Variants in CDH12 observed in about 807,000 individuals in gnomAD.
The protein encoded by CDH12 is cadherin 12, also known as cadherin-12.
Under a neutral mutation model 74.1 loss-of-function variants are expected in CDH12, and 41 were observed. The observed-to-expected ratio is 0.55, with a 90% CI of 0.43 to 0.72. The LOEUF (loss-of-function observed/expected upper bound fraction) is 0.72. CDH12 is among the 30% of genes least tolerant of loss of function. CDH12 has a pLI of 0.00. For missense variants in CDH12, 945 were observed against 977.2 expected (o/e 0.97, Z 0.44); for synonymous variants, 399 against 355.0 (o/e 1.12, Z -1.39).
At chr5:22,788,545 A>T (rs1469650672) in intron 1 of CDH12, among the ~76,000 whole-genome samples, 1 of 148,578 alleles carries the variant, frequency 6.7e-6, no homozygotes, top group East Asian at 1.9e-4. Context: ...ATATATAAAT[A>T]TATGTGGCAT....
intron 1 of CDH12, among the ~76,000 whole-genome samples, chr5:22,800,434 G>T (rs1246681563): frequency 6.6e-6 from 1 of 152,040 alleles, no homozygotes; most frequent in African/African-American, 2.4e-5. Context: ...AAATTGAGAA[G>T]AACAGAGAGT....
intron 1 of CDH12, among the ~76,000 whole-genome samples, chr5:22,577,991 C>G (rs1392760522): frequency 6.6e-6 from 1 of 152,096 alleles, no homozygotes; most frequent in Non-Finnish European, 1.5e-5. Flanking sequence ...AGACATAATT[C>G]TAAAAACATT....
chr5:21,964,106 G>C (rs888383657), intron 6 of CDH12, among the ~76,000 whole-genome samples: 11 of 151,972 alleles, frequency 7.2e-5, no homozygotes, highest in African/African-American at 2.7e-4. Flanking sequence ...AAAATGGCTA[G>C]CACTTATTTA....
chr5:22,021,803 G>T (rs1459487368), intron 5 of CDH12, among the ~76,000 whole-genome samples: 4 of 152,158 alleles, frequency 2.6e-5, no homozygotes, highest in African/African-American at 9.7e-5. Flanking sequence ...TGTTATTAGA[G>T]CAAGGAGTTA....
intron 1 of CDH12, among the ~76,000 whole-genome samples, chr5:22,623,762 A>G (rs913091982): frequency 3.3e-5 from 5 of 152,090 alleles, no homozygotes; most frequent in Non-Finnish European, 7.4e-5. Context: ...TAGATTCAAT[A>G]CCATACCCAT....
intron 6 of CDH12, chr5:21,883,249 A>G: frequency 1.5e-6 from 2 of 1,352,970 alleles, no homozygotes; most frequent in East Asian, 4.6e-5. Context: ...ATGAAGTTTG[A>G]TTGAGGGTAT....
intron 6 of CDH12, among the ~76,000 whole-genome samples, chr5:21,901,460 A>G (rs2150054181): frequency 6.6e-6 from 1 of 152,272 alleles, no homozygotes; most frequent in African/African-American, 2.4e-5. Flanking sequence ...TCTTTTTTCA[A>G]AAACTTGTTG....
intron 1 of CDH12, among the ~76,000 whole-genome samples, chr5:22,773,167 T>C (rs967391798): frequency 6.6e-6 from 1 of 152,014 alleles, no homozygotes. Context: ...AAAATTCCTA[T>C]AGAATCAAAA....
In CDH12 at chr5:22,460,490, A is replaced by G. The variant is rs113887620; in HGVS notation, c.-428+44780T>C. ...GTGTAATATTATTTTCAGTCTTGTTAATCCAAACTTTGGAGGTGTGGCTCA... is the reference window on the plus strand; with the variant it reads ...GTGTAATATTATTTTCAGTCTTGTTGATCCAAACTTTGGAGGTGTGGCTCA... On this transcript the variant is annotated intron_variant, in intron 2 of 14. Coordinates refer to ENST00000382254, the MANE Select transcript of CDH12 (RefSeq NM_004061.5). Among the ~76,000 whole-genome samples, 606 of 152,272 alleles carry G rather than the reference A, an allele frequency of 4.0e-3. 7 individuals carry two copies. The highest frequency in any genetic ancestry group is 0.014 in the African/African-American group (577 of 41,554).
At chr5:22,850,317 G>A (rs1002683867) in intron 1 of CDH12, among the ~76,000 whole-genome samples, 2 of 151,960 alleles carry the variant, frequency 1.3e-5, no homozygotes, top group African/African-American at 4.8e-5. Context: ...TCCTAGCATA[G>A]TAAGTCAGGA....
At chr5:22,343,584 A>T (rs554572235) in intron 3 of CDH12, among the ~76,000 whole-genome samples, 2 of 151,930 alleles carry the variant, frequency 1.3e-5, no homozygotes, top group Admixed American at 6.5e-5. Flanking sequence ...CGCCCAGCTA[A>T]TTTTTTTGTA....
intron 1 of CDH12, among the ~76,000 whole-genome samples, chr5:22,578,760 T>G (rs988601113): frequency 2.6e-5 from 4 of 152,012 alleles, no homozygotes; most frequent in Admixed American, 6.6e-5. Context: ...GTAACAGGGG[T>G]AAAAATATTG....
At chr5:22,028,559 G>A (rs183705757) in intron 5 of CDH12, among the ~76,000 whole-genome samples, 6 of 152,216 alleles carry the variant, frequency 3.9e-5, no homozygotes, top group South Asian at 2.1e-4. Flanking sequence ...TACAAGGGAC[G>A]TGAAGGACCT....
At chr5:21,894,688 G>T (rs1056230139) in intron 6 of CDH12, among the ~76,000 whole-genome samples, 13 of 151,586 alleles carry the variant, frequency 8.6e-5, no homozygotes, top group African/African-American at 2.7e-4. Context: ...CCCCTTTTTT[G>T]AATTTAGTTG....
At chr5:22,285,490 T>C (rs1395173399) in intron 3 of CDH12, among the ~76,000 whole-genome samples, 3 of 152,148 alleles carry the variant, frequency 2.0e-5, no homozygotes, top group Non-Finnish European at 4.4e-5. Flanking sequence ...GAGCCTCATT[T>C]CCTTATGTAA....
intron 4 of CDH12, among the ~76,000 whole-genome samples, chr5:22,158,427 C>A (rs1363863127): frequency 6.6e-6 from 1 of 151,966 alleles, no homozygotes; most frequent in Non-Finnish European, 1.5e-5. Flanking sequence ...GAAGCATTTT[C>A]TATTAGTCCC....
At chr5:21,930,874 A>G (rs1754804915) in intron 6 of CDH12, among the ~76,000 whole-genome samples, 1 of 152,184 alleles carries the variant, frequency 6.6e-6, no homozygotes. Flanking sequence ...TATTACAAAA[A>G]TACCTCAAAT....
chr5:22,803,657 A>C (rs1331157681), intron 1 of CDH12, among the ~76,000 whole-genome samples: 1 of 152,198 alleles, frequency 6.6e-6, no homozygotes, highest in Non-Finnish European at 1.5e-5. Flanking sequence ...TAATACAAAA[A>C]AAATACTTCA....
intron 4 of CDH12, among the ~76,000 whole-genome samples, chr5:22,194,903 C>CT (rs1282599393): frequency 6.6e-6 from 1 of 152,070 alleles, no homozygotes; most frequent in African/African-American, 2.4e-5. Context: ...AAACACAAGA[C>CT]TTTTTTTCTA....
Sources: gnomAD v4.1 joint callset for allele counts (sites outside exome capture counted in the v4.1 genomes callset) on GRCh38, gnomAD v4.1.1 for gene constraint, MANE v1.5 for transcripts, NCBI Gene and HGNC (gene_info 2026-07-23, HGNC 2026-07-21) for gene names.